The following CLIP1 variants were observed in gnomAD, a reference collection of about 807,000 sequenced individuals.
The protein encoded by CLIP1 is CAP-Gly domain containing linker protein 1.
Under a neutral mutation model 161.6 loss-of-function variants are expected in CLIP1, and 66 were observed. The observed-to-expected ratio is 0.41, with a 90% CI of 0.33 to 0.50. The LOEUF is 0.50. CLIP1 is among the 20% of genes least tolerant of loss of function. The pLI is 0.27. For missense variants in CLIP1, 1,376 were observed against 1,702.0 expected (o/e 0.81, Z 3.37); for synonymous variants, 598 against 626.2 (o/e 0.96, Z 0.67).
In CLIP1 at chr12:122,274,146, G is replaced by A. The variant is rs1955293873; in HGVS notation, c.3983C>T (p.Ser1328Leu). ...CTTCCTTTGAAGGTCCACTATTACT[G>A]AATTTAGGAAATCAATCTGATTTGT... Reference protein sequence around the residue: ...AQESQIDFLNSVIVDLQRKNQ... With the variant: ...AQESQIDFLNLVIVDLQRKNQ... Residue 1328 changes from serine (S) to leucine (L), a missense_variant, in exon 25 of 26, where the codon TCA (serine) becomes TTA (leucine). By Grantham distance (145) the Ser-to-Leu change is moderately radical. This residue lies in a region of CLIP1 where 948 missense variants were observed against 1,134.8 expected (regional missense o/e 0.84). Coordinates refer to ENST00000620786, the MANE Select transcript of CLIP1 (RefSeq NM_001247997.2). 6.3e-7 allele frequency: 1 copy of A among 1,596,512 alleles called. No homozygotes were observed. The highest frequency in any genetic ancestry group is 1.7e-5 in the Admixed American group (1 of 59,894).
At chr12:122,415,827 A>C (rs575366312) in intron 1 of CLIP1, among the ~76,000 whole-genome samples, 5 of 152,090 alleles carry the variant, frequency 3.3e-5, no homozygotes, top group African/African-American at 9.6e-5. Flanking sequence ...TCAAAAAAAA[A>C]CCCATAGATT....
chr12:122,297,330 C>T (rs189396463), intron 20 of CLIP1, among the ~76,000 whole-genome samples: 2 of 152,202 alleles, frequency 1.3e-5, no homozygotes, highest in Non-Finnish European at 2.9e-5. Context: ...TCAGTAAAAC[C>T]ACTTGAACAA....
chr12:122,334,978 G>A, intron 12 of CLIP1, among the ~76,000 whole-genome samples: 1 of 152,174 alleles, frequency 6.6e-6, no homozygotes, highest in South Asian at 2.1e-4. Context: ...TTCGTACTTA[G>A]GTAAGTACAT....
intron 20 of CLIP1, among the ~76,000 whole-genome samples, chr12:122,298,368 G>A (rs1005970689): frequency 1.3e-5 from 2 of 152,094 alleles, no homozygotes; most frequent in Non-Finnish European, 2.9e-5. Context: ...CAGCACTTTG[G>A]GAGGCCGAGG....
At chr12:122,386,628 A>G (rs1955271569) in intron 1 of CLIP1, among the ~76,000 whole-genome samples, 1 of 152,170 alleles carries the variant, frequency 6.6e-6, no homozygotes, top group Admixed American at 6.6e-5. Flanking sequence ...TTATAAATAC[A>G]CGGTTATTTT....
At chr12:122,340,504 T>C (rs906666520) in intron 11 of CLIP1, among the ~76,000 whole-genome samples, 1 of 152,164 alleles carries the variant, frequency 6.6e-6, no homozygotes, top group Admixed American at 6.5e-5. Context: ...CAGAGATAAA[T>C]AGATCAGGTA....
In CLIP1 at chr12:122,336,758, A is replaced by T; in HGVS notation, c.2452-10T>A. ...TGGTAATGCTACTAGCCTAACACAC[A>T]GTGTTACATGGTATAGAAGCAAATG... is the stretch of plus-strand genomic sequence containing the variant. On this transcript the variant is annotated splice_polypyrimidine_tract_variant and intron_variant, in intron 11 of 25. Transcript: ENST00000620786. The T allele has an allele frequency of 2.0e-5, 26 of 1,287,118 alleles. No individual in the cohort carries two copies. The highest frequency in any genetic ancestry group is 2.8e-5 in the Non-Finnish European group (25 of 902,622). 79.7% of individuals were successfully genotyped at this position (1,287,118 alleles called of 1,614,324 possible).
At chr12:122,277,466 G>A (rs1302577790) in intron 24 of CLIP1, 3 of 151,750 alleles carry the variant, frequency 2.0e-5, no homozygotes, top group Non-Finnish European at 2.9e-5. Flanking sequence ...ACAGGGATAA[G>A]CCACCATTCC....
At chr12:122,379,466 T>C (rs1346207589) in intron 2 of CLIP1, among the ~76,000 whole-genome samples, 1 of 143,868 alleles carries the variant, frequency 7.0e-6, no homozygotes, top group Admixed American at 6.9e-5. Flanking sequence ...ATACAAAATT[T>C]AGCCAGACGT....
chr12:122,280,046 C>A (rs1955582929), intron 21 of CLIP1: 1 of 152,090 alleles, frequency 6.6e-6, no homozygotes, highest in Non-Finnish European at 1.5e-5. Flanking sequence ...CATGTGTTTA[C>A]ATATGTGTAC....
chr12:122,410,110 G>A (rs149430542), intron 1 of CLIP1, among the ~76,000 whole-genome samples: 3,052 of 151,834 alleles, frequency 0.02, 47 homozygotes, highest in Non-Finnish European at 0.033. Flanking sequence ...GGCCTCAAGT[G>A]ATCCACCCAC....
chr12:122,302,597 C>T (rs142814262), intron 20 of CLIP1, among the ~76,000 whole-genome samples: 2 of 152,138 alleles, frequency 1.3e-5, no homozygotes, highest in South Asian at 2.1e-4. Flanking sequence ...CTTACACACA[C>T]GCACACACAC....
chr12:122,355,212 G>T lies in CLIP1; in HGVS notation c.1106C>A (p.Ala369Glu). The part of the protein sequence containing the change: ...EKQQHIEQLL[A>E]ERDLERAEVA... ...CTCCGCCCTCTCCAGATCCCGTTCC[G>T]CCAGCAGCTGCTCAATGTGCTGCTG... Residue 369 changes from alanine (A) to glutamate (E), a missense_variant, in exon 6 of 26, where the codon GCG becomes GAG. By Grantham distance (107) the Ala-to-Glu change is moderately radical. Transcript: ENST00000620786. The surrounding 1 kb of genome is among the most constrained non-coding windows in gnomAD (Gnocchi z 4.1). 6.2e-7 allele frequency: 1 copy of T among 1,614,142 alleles called. No individual in the cohort carries two copies.
intron 1 of CLIP1, among the ~76,000 whole-genome samples, chr12:122,416,508 C>T (rs553899560): frequency 2.0e-5 from 3 of 152,144 alleles, no homozygotes; most frequent in Non-Finnish European, 4.4e-5. Context: ...CCTACAGTCC[C>T]AGCTACTGGG....
chr12:122,300,880 C>T (rs975146961), intron 20 of CLIP1, among the ~76,000 whole-genome samples: 3 of 152,116 alleles, frequency 2.0e-5, no homozygotes, highest in African/African-American at 7.2e-5. Flanking sequence ...TCAAAATTAA[C>T]ATCACCAATA....
chr12:122,368,667 GT>G (rs2136670939), intron 3 of CLIP1, among the ~76,000 whole-genome samples: 1 of 152,264 alleles, frequency 6.6e-6, no homozygotes, highest in South Asian at 2.1e-4. Context: ...TGGAGGCCAG[GT>G]GGGGTGACTC....
rs369045990 is a variant in CLIP1, at chr12:122,401,703, AC to A, written c.-107+20817del. Among the ~76,000 whole-genome samples, 437 of 151,716 alleles carry A rather than the reference AC, an allele frequency of 2.9e-3. 2 individuals are homozygous for A. Among genetic ancestry groups the A allele is most frequent in the African/African-American group, 0.01 (420 of 41,332 alleles). ...TACTACCTACAATGAGTGCTATTTA[AC>A]AGGTATGATCTCGGCTGGGCATGCT... On this transcript the variant is annotated intron_variant, in intron 1 of 25. Transcript: ENST00000620786.
At chr12:122,387,559 TATATATATATATATA>T in intron 1 of CLIP1, among the ~76,000 whole-genome samples, 1 of 9,522 alleles carries the variant, frequency 1.1e-4, no homozygotes, top group Non-Finnish European at 5.0e-4. Flanking sequence ...TATATATATA[TATATATATATATATA>T]TATATATATA....
chr12:122,300,943 T>C (rs981984946), intron 20 of CLIP1, among the ~76,000 whole-genome samples: 1 of 152,228 alleles, frequency 6.6e-6, no homozygotes, highest in African/African-American at 2.4e-5. Context: ...ATCACTTATA[T>C]AGTCTTCCTA....
Sources: allele counts gnomAD v4.1 joint callset (sites outside exome capture counted in the v4.1 genomes callset), GRCh38; gene constraint gnomAD v4.1.1; regional missense constraint gnomAD v4.1.1; non-coding constraint Gnocchi (gnomAD v3.1); transcripts MANE v1.5; gene names NCBI Gene and HGNC (gene_info 2026-07-23, HGNC 2026-07-21).